Variants in EEA1 observed in about 807,000 individuals in gnomAD.
EEA1 encodes the protein early endosome antigen 1, also known as early endosome antigen 1, 162kD.
Under a neutral mutation model 209.2 loss-of-function variants are expected in EEA1, and 111 were observed. The ratio of observed to expected loss-of-function variants is 0.53; its 90% CI spans 0.45 to 0.62. The LOEUF (loss-of-function observed/expected upper bound fraction) is 0.62. EEA1 is among the 20% of genes least tolerant of loss of function. The pLI, the probability that EEA1 is intolerant of heterozygous loss-of-function variation, is 0.00. For missense variants in EEA1, 1,343 were observed against 1,530.8 expected (o/e 0.88, Z 2.05); for synonymous variants, 536 against 540.6 (o/e 0.99, Z 0.12).
Position 92,929,146 on chromosome 12 carries a change from G to T in EEA1, c.-80C>A. The T allele has an allele frequency of 7.0e-7, 1 of 1,426,788 alleles. No individual in the cohort carries two copies. 88.4% of individuals were successfully genotyped at this position (1,426,788 alleles called of 1,614,324 possible). ...CACTCACTACTCGGGGTGCGCGGGC[G>T]GGAGGGACTGGGCCGGGAGGGGACC... On this transcript the variant is annotated 5_prime_UTR_variant, in exon 1 of 29. Coordinates refer to ENST00000322349, the MANE Select transcript of EEA1 (RefSeq NM_003566.4).
intron 14 of EEA1, 27 bp downstream of exon 14, chr12:92,819,281 C>A (rs1592718655): frequency 6.5e-7 from 1 of 1,526,980 alleles, no homozygotes; most frequent in East Asian, 2.3e-5. Flanking sequence ...GTAAATTTTA[C>A]AAATATAATA....
intron 2 of EEA1, among the ~76,000 whole-genome samples, chr12:92,881,216 C>G (rs528461707): frequency 6.6e-6 from 1 of 151,856 alleles, no homozygotes; most frequent in Non-Finnish European, 1.5e-5. Flanking sequence ...CTGGCCTGGG[C>G]AACATGGCAA....
intron 21 of EEA1, 50 bp from the exon 22 acceptor site, chr12:92,788,099 T>A (rs759173008): frequency 1.4e-6 from 2 of 1,400,830 alleles, no homozygotes; most frequent in Non-Finnish European, 1.9e-6. Flanking sequence ...AAAAACCAAT[T>A]ACAAATATAA....
intron 22 of EEA1, among the ~76,000 whole-genome samples, chr12:92,785,077 G>C (rs1592700426): frequency 7.5e-6 from 1 of 133,728 alleles, no homozygotes; most frequent in African/African-American, 2.8e-5. Context: ...CTTGATTTCT[G>C]ATGAAATGAT....
In EEA1 at chr12:92,866,028, C is replaced by T. The variant is rs989987569; in HGVS notation, c.118-1041G>A. Among the ~76,000 whole-genome samples the T allele has an allele frequency of 5.9e-5, 9 of 151,716 alleles. No homozygotes were observed. The South Asian group carries it at 1.9e-3, about 32-fold the overall frequency. ...CCTCCCAAAGCATTGGGATTACAGG[C>T]ATGAGCCACCATGCCCAGCCGGGTG... On this transcript the variant is annotated intron_variant, in intron 2 of 28. Coordinates refer to ENST00000322349, the MANE Select transcript of EEA1 (RefSeq NM_003566.4).
intron 22 of EEA1, among the ~76,000 whole-genome samples, chr12:92,783,062 A>T (rs1299653998): frequency 1.3e-5 from 2 of 152,222 alleles, no homozygotes; most frequent in African/African-American, 4.8e-5. Flanking sequence ...AAATGTAAGT[A>T]AGTTTTCCCT....
chr12:92,919,503 T>G (rs1592779056), intron 1 of EEA1, among the ~76,000 whole-genome samples: 1 of 145,006 alleles, frequency 6.9e-6, no homozygotes, highest in Non-Finnish European at 1.5e-5. Context: ...AACCACATGA[T>G]TATCTCAATA....
chr12:92,824,931 A>G (rs1375005777), intron 13 of EEA1, among the ~76,000 whole-genome samples: 2 of 152,234 alleles, frequency 1.3e-5, no homozygotes, highest in Non-Finnish European at 2.9e-5. Flanking sequence ...TGAATAAAGA[A>G]CAAATAAATG....
intron 3 of EEA1, among the ~76,000 whole-genome samples, chr12:92,862,130 T>C (rs1480656071): frequency 6.6e-6 from 1 of 152,206 alleles, no homozygotes; most frequent in African/African-American, 2.4e-5. Context: ...TCACATGTCA[T>C]CCACAGTGTT....
chr12:92,829,713 A>C (rs1421992990), intron 11 of EEA1, among the ~76,000 whole-genome samples: 1 of 142,418 alleles, frequency 7.0e-6, no homozygotes, highest in African/African-American at 2.6e-5. Context: ...CGGAAAATGG[A>C]GGTTGCAATG....
Position 92,775,937 on chromosome 12 carries a change from C to G in EEA1, c.*74G>C. ...ACCAGTGTCCAAACCAAATAGTAGT[C>G]CAAGACCTCTATTAAGTACATTTAT... On this transcript the variant is annotated 3_prime_UTR_variant, in exon 29 of 29. Transcript: ENST00000322349. The G allele has an allele frequency of 1.3e-6, 2 of 1,514,454 alleles. No individual in the cohort carries two copies. Among genetic ancestry groups the G allele is most frequent in the Non-Finnish European group, 1.8e-6 (2 of 1,123,640 alleles). The allele number at this position is 1,514,454 out of a possible 1,614,324, so 93.8% of individuals were successfully genotyped here. A position where few individuals can be genotyped will look rare whatever the true frequency, so the allele number is the denominator to read the frequency against.
intron 2 of EEA1, among the ~76,000 whole-genome samples, chr12:92,870,778 G>A (rs184616569): frequency 1.4e-4 from 22 of 152,064 alleles, no homozygotes; most frequent in Admixed American, 1.2e-3. Flanking sequence ...CCATGTTCAA[G>A]CGATTCTTGT....
At chr12:92,839,868 CT>C (rs1462631629) in intron 10 of EEA1, among the ~76,000 whole-genome samples, 3 of 152,120 alleles carry the variant, frequency 2.0e-5, no homozygotes, top group Non-Finnish European at 4.4e-5. Flanking sequence ...TACCCTGAAA[CT>C]TCATGGCAGC....
At chr12:92,897,183 A>G (rs1185907860) in intron 1 of EEA1, among the ~76,000 whole-genome samples, 1 of 152,204 alleles carries the variant, frequency 6.6e-6, no homozygotes, top group African/African-American at 2.4e-5. Context: ...TAACAAAAGG[A>G]CCACAGGCTA....
intron 1 of EEA1, among the ~76,000 whole-genome samples, chr12:92,893,284 G>T (rs1879735937): frequency 6.6e-6 from 1 of 152,212 alleles, no homozygotes; most frequent in South Asian, 2.1e-4. Context: ...GTATATGCTA[G>T]CATTATCCAC....
intron 2 of EEA1, among the ~76,000 whole-genome samples, chr12:92,883,105 T>C (rs117014323): frequency 3.0e-3 from 459 of 152,348 alleles, no homozygotes; most frequent in Non-Finnish European, 5.3e-3. Context: ...ATAACAGCCA[T>C]TCTAACTGGT....
intron 18 of EEA1, among the ~76,000 whole-genome samples, chr12:92,808,085 C>G (rs1592712780): frequency 1.3e-5 from 2 of 151,978 alleles, no homozygotes; most frequent in East Asian, 1.9e-4. Context: ...TTATGCCACA[C>G]CAACTTAGCT....
At chr12:92,814,883 T>C (rs1311552950) in intron 15 of EEA1, among the ~76,000 whole-genome samples, 2 of 152,192 alleles carry the variant, frequency 1.3e-5, no homozygotes, top group African/African-American at 4.8e-5. Context: ...CTCATTTGTA[T>C]AGTTAAAGGG....
At chr12:92,793,287 C>T (rs1224664291) in intron 21 of EEA1, among the ~76,000 whole-genome samples, 3 of 152,172 alleles carry the variant, frequency 2.0e-5, no homozygotes, top group South Asian at 4.1e-4. Context: ...CCAGGGCAAT[C>T]AGGCAAGAGA....
Sources: gnomAD v4.1 joint callset for allele counts (sites outside exome capture counted in the v4.1 genomes callset) on GRCh38, gnomAD v4.1.1 for gene constraint, MANE v1.5 for transcripts, NCBI Gene and HGNC (gene_info 2026-07-23, HGNC 2026-07-21) for gene names.